The following SLC30A8 variants were observed in gnomAD, a reference collection of about 807,000 sequenced individuals.
SLC30A8 encodes proton-coupled zinc antiporter SLC30A8.
In SLC30A8, 27 loss-of-function variants were observed where a neutral mutation model predicts 36.9. The observed-to-expected ratio is 0.73, with a 90% CI of 0.54 to 1.01. The LOEUF (loss-of-function observed/expected upper bound fraction) is 1.01, where lower values mean the gene tolerates loss of function less well. Ranked by LOEUF, SLC30A8 falls within the 50% of genes least tolerant of loss-of-function variation. The probability of loss-of-function intolerance (pLI) is 0.00; values close to 1 mark genes in which losing one functional copy is unlikely to be tolerated. For synonymous variants in SLC30A8, 164 were observed against 172.4 expected (o/e 0.95, Z 0.38); for missense variants, 439 against 452.0 (o/e 0.97, Z 0.26).
At chr8:117,141,084 T>A (rs114110847) in intron 1 of SLC30A8, among the ~76,000 whole-genome samples, 2,392 of 152,192 alleles carry the variant, frequency 0.016, 58 homozygotes, top group African/African-American at 0.05. Context: ...CACTGGTGAT[T>A]TCTACCAAAA....
intron 2 of SLC30A8, among the ~76,000 whole-genome samples, chr8:117,098,115 T>C (rs1425325223): frequency 6.9e-6 from 1 of 144,242 alleles, no homozygotes; most frequent in Non-Finnish European, 1.5e-5. Flanking sequence ...TCTGTGAAGC[T>C]AAGTAACAGG....
intron 2 of SLC30A8, among the ~76,000 whole-genome samples, chr8:117,119,123 A>G (rs1033137184): frequency 6.6e-6 from 1 of 151,844 alleles, no homozygotes; most frequent in East Asian, 1.9e-4. Context: ...AGTGTTCTGG[A>G]AAAGGTTCCA....
In SLC30A8 at chr8:117,157,748, T is replaced by C. The variant is rs578012694; in HGVS notation, c.476T>C (p.Val159Ala). The change falls in exon 4 of 8, where the codon GTG becomes GCG. Residue 159 changes from valine to alanine, a missense_variant. By Grantham distance (64) the Val-to-Ala change is moderately conservative (BLOSUM62 0). Transcript: ENST00000456015. ...LCIWVVTGVL[V>A]YLACERLLYP... Reference sequence around the variant, plus strand: ...ATCTGGGTGGTGACTGGCGTGCTAGTGTACCTGGCATGTGAGCGCCTGCTG... The same window carrying C: ...ATCTGGGTGGTGACTGGCGTGCTAGCGTACCTGGCATGTGAGCGCCTGCTG... 1.5e-5 allele frequency: 25 copies of C among 1,614,100 alleles called. No individual in the cohort carries two copies. Among genetic ancestry groups the C allele is most frequent in the Admixed American group, 3.3e-5 (2 of 60,026 alleles).
At chr8:117,026,224 A>G (rs1816866304) in intron 1 of SLC30A8, among the ~76,000 whole-genome samples, 1 of 152,190 alleles carries the variant, frequency 6.6e-6, no homozygotes, top group South Asian at 2.1e-4. Flanking sequence ...AACATTTTTG[A>G]AACGTAGTTC....
chr8:116,961,354 G>A (rs536536346), intron 1 of SLC30A8, among the ~76,000 whole-genome samples: 7 of 152,180 alleles, frequency 4.6e-5, no homozygotes, highest in South Asian at 2.1e-4. Flanking sequence ...GCTTAAACCC[G>A]GGAGGCAGAG....
rs183526517 is a variant in SLC30A8 at position 117,114,855 on chromosome 8, C to G, written c.-225-20425C>G. ...GTAGAGATCTGAATTATACTTTAGG[C>G]TCTGTAAGTTAATTGCCTTCTTTGT... is the stretch of plus-strand genomic sequence containing the variant. On this transcript the variant is annotated intron_variant, in intron 2 of 10. Coordinates refer to the SLC30A8 transcript ENST00000427715. Among the ~76,000 whole-genome samples, 5 of 152,100 alleles carry G rather than the reference C, an allele frequency of 3.3e-5. No homozygotes were observed. The South Asian group carries it at 1.0e-3, about 32-fold the overall frequency.
intron 1 of SLC30A8, among the ~76,000 whole-genome samples, chr8:117,009,508 T>G (rs1411821931): frequency 6.6e-6 from 1 of 152,218 alleles, no homozygotes; most frequent in East Asian, 1.9e-4. Flanking sequence ...TTGGCAATTT[T>G]GTGATCTTGT....
chr8:117,134,314 A>G (rs564195207), upstream of SLC30A8, among the ~76,000 whole-genome samples: 1 of 151,746 alleles, frequency 6.6e-6, no homozygotes, highest in Admixed American at 6.6e-5. Flanking sequence ...AGTCTGCACA[A>G]CCCCCTCTTT....
chr8:117,023,642 G>A (rs533819811), intron 1 of SLC30A8, among the ~76,000 whole-genome samples: 59 of 148,112 alleles, frequency 4.0e-4, no homozygotes, highest in South Asian at 2.8e-3. Flanking sequence ...AACACCGCAT[G>A]TTCTCACTCA....
chr8:117,165,234 GTGT>G lies in SLC30A8; in HGVS notation c.829+1710_829+1712del, dbSNP rs761502269. Among the ~76,000 whole-genome samples the G allele has an allele frequency of 2.6e-5, 4 of 152,254 alleles. No individual in the cohort carries two copies. The East Asian group carries it at 5.8e-4, about 22-fold the overall frequency. ...ATGGGAATATCACATCCACAATATA[GTGT>G]TGTTGAGAGGATTAGATGAAATAAA... On this transcript the variant is annotated intron_variant, in intron 6 of 7. Coordinates refer to ENST00000456015, the MANE Select transcript of SLC30A8 (RefSeq NM_173851.3).
intron 1 of SLC30A8, among the ~76,000 whole-genome samples, chr8:116,956,541 C>A (rs115335446): frequency 6.6e-6 from 1 of 151,842 alleles, no homozygotes; most frequent in Admixed American, 6.6e-5. Flanking sequence ...ATGCTTACAA[C>A]GAAAATACAA....
At chr8:117,002,866 G>A (rs1017868185) in intron 1 of SLC30A8, among the ~76,000 whole-genome samples, 2 of 152,164 alleles carry the variant, frequency 1.3e-5, no homozygotes, top group African/African-American at 2.4e-5. Flanking sequence ...GCCTCCCAAA[G>A]TGCTGAGATT....
At chr8:117,141,585 G>T (rs575608941) in intron 1 of SLC30A8, among the ~76,000 whole-genome samples, 1 of 152,124 alleles carries the variant, frequency 6.6e-6, no homozygotes, top group Non-Finnish European at 1.5e-5. Context: ...GGAACAGGTG[G>T]TGTTTGGTTA....
intron 1 of SLC30A8, chr8:116,951,180 C>T (rs1004120891): frequency 6.6e-6 from 1 of 152,126 alleles, no homozygotes; most frequent in African/African-American, 2.4e-5. Flanking sequence ...TAGAGTAAGG[C>T]ATCGAACTCA....
In SLC30A8 at chr8:117,157,681, G is replaced by A. The variant is rs1158312336; in HGVS notation, c.419-10G>A. 6.2e-7 allele frequency: 1 copy of A among 1,613,836 alleles called. No individual in the cohort carries two copies. Among genetic ancestry groups the A allele is most frequent in the Non-Finnish European group, 8.5e-7 (1 of 1,179,844 alleles). On this transcript the variant is annotated splice_polypyrimidine_tract_variant and intron_variant, in intron 3 of 7. Coordinates refer to ENST00000456015, the MANE Select transcript of SLC30A8 (RefSeq NM_173851.3). ...TGTGTGTGGGTTTCTGTGTGTGTTT[G>A]AATTCCTAGAGATCCTTGGTGCCCT...
rs1222112501 is a variant in SLC30A8 at position 117,135,199 on chromosome 8, T to G, written c.-129T>G. 4.5e-5 allele frequency: 25 copies of G among 559,200 alleles called. No individual in the cohort carries two copies. The Admixed American group carries it at 7.8e-4, about 18-fold the overall frequency. 34.6% of individuals were successfully genotyped at this position (559,200 alleles called of 1,614,324 possible). A position where few individuals can be genotyped will look rare whatever the true frequency, so the allele number is the denominator to read the frequency against. ...ACACTGATGTAGGAAGCTCATTATT[T>G]TAATTTCTGGAGCCTTTTAATTTTT... On this transcript the variant is annotated 5_prime_UTR_variant, in exon 1 of 8. Coordinates refer to ENST00000456015, the MANE Select transcript of SLC30A8 (RefSeq NM_173851.3).
intron 1 of SLC30A8, among the ~76,000 whole-genome samples, chr8:117,141,331 T>C (rs1821643426): frequency 1.3e-5 from 2 of 152,118 alleles, no homozygotes; most frequent in Admixed American, 1.3e-4. Context: ...AATGATAAAA[T>C]GGGATTTATC....
chr8:116,990,871 A>T (rs1055018349), intron 1 of SLC30A8, among the ~76,000 whole-genome samples: 4 of 152,218 alleles, frequency 2.6e-5, no homozygotes, highest in African/African-American at 9.6e-5. Flanking sequence ...TATCTAAAAA[A>T]CAACCAAATA....
intron 2 of SLC30A8, among the ~76,000 whole-genome samples, chr8:117,069,615 A>G (rs1170434313): frequency 6.6e-6 from 1 of 152,242 alleles, no homozygotes; most frequent in East Asian, 1.9e-4. Context: ...TTTTGAATCA[A>G]GTTAACAAAC....
Sources: gnomAD v4.1 joint callset for allele counts (sites outside exome capture counted in the v4.1 genomes callset) on GRCh38, gnomAD v4.1.1 for gene constraint, MANE v1.5 for transcripts, NCBI Gene and HGNC (gene_info 2026-07-23, HGNC 2026-07-21) for gene names.